The following ARHGAP10 variants were observed in gnomAD, a reference collection of about 807,000 sequenced individuals.
ARHGAP10 encodes Rho GTPase activating protein 10, also known as rho GTPase-activating protein 10.
A neutral mutation model predicts 108.6 loss-of-function variants in ARHGAP10; 87 were observed. The ratio of observed to expected loss-of-function variants is 0.80; its 90% CI spans 0.67 to 0.96. ARHGAP10 has a LOEUF of 0.96. ARHGAP10 is among the 40% of genes least tolerant of loss of function. The pLI, the probability that ARHGAP10 is intolerant of heterozygous loss-of-function variation, is 0.00. For synonymous variants in ARHGAP10, 347 were observed against 341.1 expected (o/e 1.02, Z -0.19); for missense variants, 939 against 954.5 (o/e 0.98, Z 0.21).
intron 10 of ARHGAP10, among the ~76,000 whole-genome samples, chr4:147,882,361 G>A (rs1735360420): frequency 6.6e-6 from 1 of 152,004 alleles, no homozygotes; most frequent in Non-Finnish European, 1.5e-5. Context: ...TACATGGGAG[G>A]CTGAGGCAGG....
intron 10 of ARHGAP10, among the ~76,000 whole-genome samples, chr4:147,882,323 C>T (rs1053118071): frequency 6.6e-6 from 1 of 151,912 alleles, no homozygotes; most frequent in African/African-American, 2.4e-5. Flanking sequence ...ATTAGCCAGG[C>T]GTGGTGGCAT....
At chr4:147,810,098 T>C (rs753044459) in intron 1 of ARHGAP10, among the ~76,000 whole-genome samples, 12 of 152,176 alleles carry the variant, frequency 7.9e-5, no homozygotes, top group Non-Finnish European at 1.5e-4. Flanking sequence ...ATTCACCCTT[T>C]TTGAGCGGGA....
intron 1 of ARHGAP10, among the ~76,000 whole-genome samples, chr4:147,750,602 T>C (rs113493310): frequency 0.014 from 1,879 of 136,538 alleles, 33 homozygotes; most frequent in African/African-American, 0.052. Context: ...ATAAAATATC[T>C]TTTTTTTTTT....
intron 1 of ARHGAP10, among the ~76,000 whole-genome samples, chr4:147,798,749 C>T (rs1731426636): frequency 1.6e-4 from 2 of 12,356 alleles, no homozygotes; most frequent in Admixed American, 1.2e-3. Context: ...CTCTCTCTCT[C>T]TCTCTCTCTC....
chr4:148,011,051 G>T (rs1741152885), intron 18 of ARHGAP10, among the ~76,000 whole-genome samples: 1 of 152,096 alleles, frequency 6.6e-6, no homozygotes, highest in African/African-American at 2.4e-5. Flanking sequence ...TCATTACTTT[G>T]ACTCTTCACA....
intron 16 of ARHGAP10, among the ~76,000 whole-genome samples, chr4:147,961,880 C>T (rs907589718): frequency 2.6e-5 from 4 of 152,168 alleles, no homozygotes; most frequent in African/African-American, 9.7e-5. Context: ...GGTCCTCCCA[C>T]CTCTTCCTCC....
intron 3 of ARHGAP10, among the ~76,000 whole-genome samples, chr4:147,838,816 A>G (rs1334387043): frequency 6.6e-6 from 1 of 152,244 alleles, no homozygotes; most frequent in Non-Finnish European, 1.5e-5. Context: ...TACTGAATAC[A>G]AAATTTTGAA....
At chr4:147,755,159 T>G (rs1335711487) in intron 1 of ARHGAP10, among the ~76,000 whole-genome samples, 9 of 152,014 alleles carry the variant, frequency 5.9e-5, no homozygotes. Context: ...AAAGCAAACT[T>G]ATTATTTAAG....
At chr4:148,015,825 G>A (rs540143627) in intron 18 of ARHGAP10, among the ~76,000 whole-genome samples, 1 of 152,288 alleles carries the variant, frequency 6.6e-6, no homozygotes, top group Admixed American at 6.5e-5. Flanking sequence ...AAGAAGATCG[G>A]ACATTTTATT....
At chr4:147,964,901 G>T (rs1578739218) in intron 16 of ARHGAP10, 123 bp from the exon 17 acceptor site, 1 of 607,488 alleles carries the variant, frequency 1.6e-6, no homozygotes, top group East Asian at 3.3e-5. Flanking sequence ...CTCCATGTTT[G>T]ATAATCTTGA....
intron 1 of ARHGAP10, among the ~76,000 whole-genome samples, chr4:147,760,197 G>T (rs929996569): frequency 6.6e-6 from 1 of 151,844 alleles, no homozygotes; most frequent in East Asian, 1.9e-4. Context: ...ATAATACGCA[G>T]TATCTACACC....
chr4:147,927,024 C>T (rs1333652486), intron 13 of ARHGAP10, among the ~76,000 whole-genome samples: 1 of 152,160 alleles, frequency 6.6e-6, no homozygotes, highest in African/African-American at 2.4e-5. Flanking sequence ...GTCTAAGTCT[C>T]AGAGGTAGAG....
chr4:147,942,516 G>T (rs928986792), intron 14 of ARHGAP10, among the ~76,000 whole-genome samples: 1 of 152,000 alleles, frequency 6.6e-6, no homozygotes, highest in Non-Finnish European at 1.5e-5. Flanking sequence ...CTTTTTTCTG[G>T]TATGTTTTTT....
chr4:147,760,767 C>T lies in ARHGAP10; in HGVS notation c.154+28312C>T, dbSNP rs895955795. Reference sequence around the variant, plus strand: ...CTCATTCAGGCTGGTTTCCCTAAGTCCCAGTTGAAGGGGGGCTATGTTAGT... The same window carrying T: ...CTCATTCAGGCTGGTTTCCCTAAGTTCCAGTTGAAGGGGGGCTATGTTAGT... On this transcript the variant is annotated intron_variant, in intron 1 of 22. Transcript: ENST00000336498. Among the ~76,000 whole-genome samples, 2 of 152,108 alleles carry T rather than the reference C, an allele frequency of 1.3e-5. 1 individual carries two copies. The highest frequency in any genetic ancestry group is 2.9e-5 in the Non-Finnish European group (2 of 68,022).
At chr4:147,899,034 C>G (rs535639099) in intron 10 of ARHGAP10, among the ~76,000 whole-genome samples, 24 of 152,258 alleles carry the variant, frequency 1.6e-4, no homozygotes, top group Admixed American at 7.9e-4. Flanking sequence ...GAGTAGGACA[C>G]AGAGTAGGTG....
At chr4:147,785,537 A>C (rs533062482) in intron 1 of ARHGAP10, among the ~76,000 whole-genome samples, 1 of 152,190 alleles carries the variant, frequency 6.6e-6, no homozygotes. Context: ...CCATGGGTGT[A>C]TGTATATGAT....
intron 8 of ARHGAP10, among the ~76,000 whole-genome samples, chr4:147,877,721 C>T (rs1271437870): frequency 6.6e-6 from 1 of 151,886 alleles, no homozygotes; most frequent in Non-Finnish European, 1.5e-5. Flanking sequence ...GATGGTGGTA[C>T]TGCTGACTTA....
chr4:147,917,513 T>C (rs1737037375), intron 13 of ARHGAP10: 1 of 152,244 alleles, frequency 6.6e-6, no homozygotes, highest in Admixed American at 6.5e-5. Context: ...GTGTTCACAT[T>C]CTACTAATCC....
chr4:147,768,892 C>T (rs771646720), intron 1 of ARHGAP10, among the ~76,000 whole-genome samples: 2 of 152,012 alleles, frequency 1.3e-5, no homozygotes, highest in Admixed American at 1.3e-4. Flanking sequence ...GCACACACTA[C>T]TATACCTGGC....
Sources: allele counts gnomAD v4.1 joint callset (sites outside exome capture counted in the v4.1 genomes callset), GRCh38; gene constraint gnomAD v4.1.1; transcripts MANE v1.5; gene names NCBI Gene and HGNC (gene_info 2026-07-23, HGNC 2026-07-21).